PEAK1: variants seen among roughly 807,000 people sequenced by gnomAD.
The protein encoded by PEAK1 is pseudopodium enriched atypical kinase 1, also known as inactive tyrosine-protein kinase PEAK1.
In PEAK1, 54 loss-of-function variants were observed where a neutral mutation model predicts 124.7. The observed-to-expected ratio is 0.43, with a 90% CI of 0.35 to 0.54. PEAK1 has a LOEUF of 0.54. PEAK1 is among the 20% of genes least tolerant of loss of function. The pLI, the probability that PEAK1 is intolerant of heterozygous loss-of-function variation, is 0.01. For synonymous variants in PEAK1, 719 were observed against 760.0 expected, an observed-to-expected ratio of 0.95 and a Z score of 0.89; for missense variants, 2,046 against 2,134.5, an observed-to-expected ratio of 0.96 and a Z score of 0.82.
intron 9 of PEAK1, among the ~76,000 whole-genome samples, chr15:77,127,152 T>G (rs1018640393): frequency 7.9e-5 from 12 of 151,906 alleles, no homozygotes; most frequent in Non-Finnish European, 1.2e-4. Flanking sequence ...TCTCTCACGC[T>G]CTCTCTCTCT....
intron 1 of PEAK1, among the ~76,000 whole-genome samples, chr15:77,398,728 A>G (rs1247231917): frequency 1.3e-5 from 2 of 152,210 alleles, no homozygotes; most frequent in Non-Finnish European, 2.9e-5. Flanking sequence ...CACTTTCACC[A>G]CTGTTATTCA....
chr15:77,245,397 C>T (rs1288422976), intron 6 of PEAK1, among the ~76,000 whole-genome samples: 1 of 151,834 alleles, frequency 6.6e-6, no homozygotes, highest in African/African-American at 2.4e-5. Flanking sequence ...TCTTCTTGTA[C>T]CATTTCTTGA....
chr15:77,395,836 G>A (rs765435964), intron 1 of PEAK1, among the ~76,000 whole-genome samples: 1 of 152,058 alleles, frequency 6.6e-6, no homozygotes, highest in South Asian at 2.1e-4. Flanking sequence ...TCTTCAATCT[G>A]AAAGAAAAGG....
At chr15:77,138,145 T>C (rs1391181465) in intron 8 of PEAK1, among the ~76,000 whole-genome samples, 5 of 152,196 alleles carry the variant, frequency 3.3e-5, no homozygotes, top group African/African-American at 1.2e-4. Flanking sequence ...CTTTTGTAAA[T>C]TGCCCAGTCT....
At chr15:77,248,766 T>C (rs778369651) in intron 6 of PEAK1, among the ~76,000 whole-genome samples, 1 of 152,234 alleles carries the variant, frequency 6.6e-6, no homozygotes, top group Non-Finnish European at 1.5e-5. Flanking sequence ...ATGTTTCATA[T>C]ATAGTAAGCA....
chr15:77,146,817 T>C, intron 8 of PEAK1, among the ~76,000 whole-genome samples: 1 of 152,222 alleles, frequency 6.6e-6, no homozygotes, highest in East Asian at 1.9e-4. Flanking sequence ...GAGTGAATGA[T>C]AATGTAATCC....
At chr15:77,228,279 G>T (rs1462081879) in intron 6 of PEAK1, among the ~76,000 whole-genome samples, 1 of 152,078 alleles carries the variant, frequency 6.6e-6, no homozygotes, top group Non-Finnish European at 1.5e-5. Context: ...CGATTCTCAT[G>T]TTCTAACATT....
chr15:77,320,558 T>C (rs1369230933), intron 2 of PEAK1, among the ~76,000 whole-genome samples: 1 of 152,188 alleles, frequency 6.6e-6, no homozygotes, highest in Admixed American at 6.5e-5. Context: ...TGGTAGTTCA[T>C]TGTTTTTCGT....
chr15:77,366,907 AG>A, intron 1 of PEAK1, among the ~76,000 whole-genome samples: 1 of 152,286 alleles, frequency 6.6e-6, no homozygotes, highest in African/African-American at 2.4e-5. Context: ...AGGCCGAGGC[AG>A]GTGGATCATG....
chr15:77,338,109 A>G, intron 2 of PEAK1: 1 of 984,242 alleles, frequency 1.0e-6, no homozygotes, highest in Non-Finnish European at 1.2e-6. Context: ...TAAATAAGCA[A>G]TGATAATCAA....
chr15:77,188,084 TA>T lies in PEAK1; in HGVS notation c.-114-6045del, dbSNP rs2057638313. ...GTTTTGCAGAAGATAAAACACAGCT[TA>T]AATTTGGTACACAAATGGAAATTCC... is the stretch of plus-strand genomic sequence containing the variant. On this transcript the variant is annotated intron_variant, in intron 6 of 9. Coordinates refer to ENST00000682557, the MANE Select transcript of PEAK1 (RefSeq NM_001385026.1). Among the ~76,000 whole-genome samples, 3 of 152,072 alleles carry T rather than the reference TA, an allele frequency of 2.0e-5. No individual in the cohort carries two copies. The South Asian group carries it at 6.2e-4, about 32-fold the overall frequency.
chr15:77,276,257 T>C (rs1479665787), intron 5 of PEAK1, among the ~76,000 whole-genome samples: 1 of 152,068 alleles, frequency 6.6e-6, no homozygotes, highest in East Asian at 1.9e-4. Flanking sequence ...CCCCAAACAG[T>C]GTAAACCCCA....
chr15:77,333,484 T>C lies in PEAK1; in HGVS notation c.-603+31679A>G, dbSNP rs569968546. ...ATATAAGCTTATCTAAGAATAAATA[T>C]TTTCTTAAACATTAAAAATAGAAAA... On this transcript the variant is annotated intron_variant, in intron 2 of 9. Transcript: ENST00000682557. 23 of 899,272 alleles carry C rather than the reference T, an allele frequency of 2.6e-5. No individual in the cohort carries two copies. In the South Asian group the frequency reaches 1.1e-3, roughly 42 times the overall value. 55.7% of individuals were successfully genotyped at this position (899,272 alleles called of 1,614,324 possible).
chr15:77,182,749 C>CAAAAAAAAAAAAAAAAAAAAAAAAAAAA (rs71143395), intron 6 of PEAK1, among the ~76,000 whole-genome samples: 2 of 65,142 alleles, frequency 3.1e-5, no homozygotes, highest in African/African-American at 1.2e-4. Flanking sequence ...GACCTTGTCT[C>CAAAAAAAAAAAAAAAAAAAAAAAAAAAA]AAAAAAAAAA....
intron 6 of PEAK1, among the ~76,000 whole-genome samples, chr15:77,231,142 T>C (rs1210471244): frequency 2.0e-5 from 3 of 152,080 alleles, no homozygotes; most frequent in Non-Finnish European, 2.9e-5. Context: ...AACAGTGATA[T>C]GAGGTACTTG....
In PEAK1 at chr15:77,114,923, G is replaced by T; in HGVS notation, c.4474C>A (p.Gln1492Lys). The T allele has an allele frequency of 2.5e-6, 4 of 1,614,058 alleles. No individual in the cohort carries two copies. The highest frequency in any genetic ancestry group is 3.4e-6 in the Non-Finnish European group (4 of 1,180,024). The change falls in exon 10 of 10, where the codon CAG becomes AAG. Residue 1492 changes from glutamine (Q) to lysine (K), a missense_variant. Physicochemically the swap from Gln to Lys is moderately conservative, Grantham distance 53. Transcript: ENST00000682557. ...HGKSPDLYER[Q>K]VCLLLLQLCS... ...AGCTGTAAGAGCAGCAGACACACCT[G>T]CCTCTCATACAAATCAGGGCTTTTC...
chr15:77,168,437 T>A (rs2056278268), intron 7 of PEAK1, among the ~76,000 whole-genome samples: 1 of 152,226 alleles, frequency 6.6e-6, no homozygotes, highest in Admixed American at 6.5e-5. Flanking sequence ...TTTTAGGCTT[T>A]GTGGGCCGTG....
At chr15:77,184,793 A>T (rs1459849354) in intron 6 of PEAK1, among the ~76,000 whole-genome samples, 3 of 152,208 alleles carry the variant, frequency 2.0e-5, no homozygotes, top group African/African-American at 7.2e-5. Context: ...GCTACTCAGG[A>T]GGCTGAGGCA....
At position 77,284,035 on chromosome 15, in the gene PEAK1, A is replaced by G. The variant is rs1250730063; in HGVS notation, c.-422-5T>C. ...TGAAGGATGTAATTAGTCTCACTAA[A>G]GCAAGAAAACATGATAAACTTGGTT... On this transcript the variant is annotated splice_region_variant and splice_polypyrimidine_tract_variant and intron_variant, in intron 4 of 9. Transcript: ENST00000682557. 1.1e-5 allele frequency: 11 copies of G among 985,186 alleles called. No individual in the cohort carries two copies. Among genetic ancestry groups the G allele is most frequent in the Non-Finnish European group, 1.3e-5 (11 of 829,808 alleles). 61.0% of individuals were successfully genotyped at this position (985,186 alleles called of 1,614,324 possible).
Sources: gnomAD v4.1 joint callset for allele counts (sites outside exome capture counted in the v4.1 genomes callset) on GRCh38, gnomAD v4.1.1 for gene constraint, MANE v1.5 for transcripts, NCBI Gene and HGNC (gene_info 2026-07-23, HGNC 2026-07-21) for gene names.